USP28: variants seen among roughly 807,000 people sequenced by gnomAD.
USP28 encodes ubiquitin specific peptidase 28.
In USP28, 113 loss-of-function variants were observed where a neutral mutation model predicts 145.0. That is an observed-to-expected ratio of 0.78 (90% CI 0.67 to 0.91). USP28 has a LOEUF of 0.91. Ranked by LOEUF, USP28 falls within the 40% of genes least tolerant of loss-of-function variation. The pLI is 0.00. For missense variants in USP28, 1,201 were observed against 1,289.6 expected, an observed-to-expected ratio of 0.93 and a Z score of 1.05; for synonymous variants, 447 against 450.9, an observed-to-expected ratio of 0.99 and a Z score of 0.11.
intron 12 of USP28, among the ~76,000 whole-genome samples, chr11:113,819,018 G>GT (rs1214283922): frequency 6.6e-6 from 1 of 151,488 alleles, no homozygotes; most frequent in Non-Finnish European, 1.5e-5. Flanking sequence ...AGCAAAAGTG[G>GT]TTAAAAAAAA....
At chr11:113,833,471 A>AGAC in exon 7 of USP28, 3 of 1,614,254 alleles carry the variant, frequency 1.9e-6, no homozygotes, top group Non-Finnish European at 2.5e-6. Flanking sequence ...CCAGGGCTGC[A>AGAC]GACGGGTCTA....
intron 10 of USP28, among the ~76,000 whole-genome samples, chr11:113,827,809 A>G (rs1245850544): frequency 1.3e-5 from 2 of 152,246 alleles, no homozygotes; most frequent in Admixed American, 6.5e-5. Context: ...AAAGACTCAT[A>G]TGTGTACATA....
chr11:113,874,071 A>C (rs1322773692), intron 1 of USP28, among the ~76,000 whole-genome samples: 1 of 148,772 alleles, frequency 6.7e-6, no homozygotes, highest in Non-Finnish European at 1.5e-5. Flanking sequence ...AACCCGGGAG[A>C]CGGAAGTTGC....
At chr11:113,831,345 T>C (rs1943962161) in intron 8 of USP28, among the ~76,000 whole-genome samples, 1 of 152,206 alleles carries the variant, frequency 6.6e-6, no homozygotes, top group African/African-American at 2.4e-5. Flanking sequence ...TTCTCCATGG[T>C]ACAACAGAAA....
At chr11:113,799,754 T>C (rs1317796607) in intron 24 of USP28, among the ~76,000 whole-genome samples, 1 of 152,228 alleles carries the variant, frequency 6.6e-6, no homozygotes, top group Non-Finnish European at 1.5e-5. Context: ...TGTATACACA[T>C]GGTTTTAAAT....
chr11:113,859,191 A>G (rs984807857), intron 1 of USP28, among the ~76,000 whole-genome samples: 2 of 152,162 alleles, frequency 1.3e-5, no homozygotes, highest in Non-Finnish European at 1.5e-5. Flanking sequence ...ATATGACAGG[A>G]AACAGGCACC....
At chr11:113,874,620 T>C (rs1321566438) in intron 1 of USP28, 2 of 1,288,364 alleles carry the variant, frequency 1.6e-6, no homozygotes, top group Non-Finnish European at 1.0e-6. Flanking sequence ...CTTGAAAAAG[T>C]GCAGTACTTG....
intron 8 of USP28, 28 bp downstream of exon 8, chr11:113,831,892 G>A (rs565033846): frequency 1.9e-6 from 3 of 1,602,978 alleles, no homozygotes; most frequent in African/African-American, 2.7e-5. Flanking sequence ...GAGTCGGAAG[G>A]ATGTACAAAC....
At chr11:113,837,547 TG>T (rs1295780013) in intron 5 of USP28, among the ~76,000 whole-genome samples, 1 of 152,232 alleles carries the variant, frequency 6.6e-6, no homozygotes, top group Non-Finnish European at 1.5e-5. Context: ...GCAGGATATC[TG>T]TTCTTTGACT....
intron 9 of USP28, among the ~76,000 whole-genome samples, chr11:113,829,978 G>A (rs1943806916): frequency 6.6e-6 from 1 of 152,160 alleles, no homozygotes; most frequent in African/African-American, 2.4e-5. Flanking sequence ...ATAAGAGGAG[G>A]AATAGAGAAG....
chr11:113,863,678 G>T (rs1200590120), intron 1 of USP28, among the ~76,000 whole-genome samples: 4 of 150,684 alleles, frequency 2.7e-5, no homozygotes, highest in Non-Finnish European at 4.4e-5. Flanking sequence ...GGGCGCGGTG[G>T]CTCACGCCTG....
At chr11:113,834,435 A>G (rs940743790) in intron 5 of USP28, 100 bp from the exon 6 acceptor site, 20 of 783,652 alleles carry the variant, frequency 2.6e-5, no homozygotes, top group Non-Finnish European at 3.6e-5. Flanking sequence ...ATTTAAAAGT[A>G]TGCAAAACTA....
intron 21 of USP28, 30 bp downstream of exon 22, chr11:113,804,643 T>C (rs1328499781): frequency 6.3e-7 from 1 of 1,591,478 alleles, no homozygotes; most frequent in Non-Finnish European, 8.6e-7. Context: ...TTAATGTTTT[T>C]GCTCTATAGA....
intron 4 of USP28, among the ~76,000 whole-genome samples, chr11:113,841,016 T>C (rs1945139128): frequency 6.6e-6 from 1 of 152,190 alleles, no homozygotes; most frequent in Admixed American, 6.5e-5. Flanking sequence ...TTCAAGACTA[T>C]TTAAGGCTAC....
intron 19 of USP28, among the ~76,000 whole-genome samples, chr11:113,805,759 G>A (rs899105174): frequency 6.6e-6 from 1 of 152,034 alleles, no homozygotes; most frequent in Non-Finnish European, 1.5e-5. Context: ...ATCTAACTCA[G>A]TGTTACTAAC....
Position 113,842,893 on chromosome 11 carries a change from A to G in USP28, c.269-1125T>C, listed in dbSNP as rs577128278. On this transcript the variant is annotated intron_variant, in intron 3 of 24. Coordinates refer to ENST00000003302, the Ensembl canonical transcript of USP28. ...AATCAAGACTAAGACAAACACATCT[A>G]TTATCACTGCTTTTATTCACCATGG... is the stretch of plus-strand genomic sequence containing the variant. Among the ~76,000 whole-genome samples, 16 of 152,280 alleles carry G rather than the reference A, an allele frequency of 1.1e-4. No homozygotes were observed. The South Asian group carries it at 3.3e-3, about 32-fold the overall frequency.
At chr11:113,860,645 A>C (rs1947570703) in intron 1 of USP28, among the ~76,000 whole-genome samples, 1 of 151,436 alleles carries the variant, frequency 6.6e-6, no homozygotes, top group Admixed American at 6.6e-5. Context: ...CCCCATCTCT[A>C]CTAAAGAAAA....
intron 7 of USP28, among the ~76,000 whole-genome samples, chr11:113,833,122 GT>G (rs982257373): frequency 1.3e-5 from 2 of 152,152 alleles, no homozygotes; most frequent in African/African-American, 4.8e-5. Context: ...GCTCATTGAG[GT>G]ATTTTCCAAT....
chr11:113,819,781 G>A (rs1446466102), intron 12 of USP28, among the ~76,000 whole-genome samples: 1 of 152,014 alleles, frequency 6.6e-6, no homozygotes, highest in Non-Finnish European at 1.5e-5. Context: ...GTGCAATGGC[G>A]TGATCTTGGC....
Sources: gnomAD v4.1 joint callset for allele counts (sites outside exome capture counted in the v4.1 genomes callset) on GRCh38, gnomAD v4.1.1 for gene constraint, MANE v1.5 for transcripts, NCBI Gene and HGNC (gene_info 2026-07-23, HGNC 2026-07-21) for gene names.